The following CACNA1C variants were observed in gnomAD, a reference collection of about 807,000 sequenced individuals.
CACNA1C encodes voltage-dependent L-type calcium channel subunit alpha-1C.
A neutral mutation model predicts 229.0 loss-of-function variants in CACNA1C; 30 were observed. The observed-to-expected ratio is 0.13, with a 90% CI of 0.10 to 0.18. The LOEUF (loss-of-function observed/expected upper bound fraction) is 0.18, where lower values mean the gene tolerates loss of function less well. Ranked by LOEUF, CACNA1C falls within the 10% of genes least tolerant of loss-of-function variation. CACNA1C has a pLI of 1.00. For missense variants in CACNA1C, 1,658 were observed against 2,845.0 expected, an observed-to-expected ratio of 0.58 and a Z score of 9.49; for synonymous variants, 1,114 against 1,132.5, an observed-to-expected ratio of 0.98 and a Z score of 0.33.
chr12:2,499,283 C>T (rs964858286), intron 7 of CACNA1C, among the ~76,000 whole-genome samples: 8 of 152,182 alleles, frequency 5.3e-5, no homozygotes, highest in Non-Finnish European at 1.2e-4. Context: ...TGTAAAGCAC[C>T]GTGGCTTTCA....
At chr12:2,294,013 T>C (rs532523776) in intron 3 of CACNA1C, among the ~76,000 whole-genome samples, 1 of 152,342 alleles carries the variant, frequency 6.6e-6, no homozygotes, top group South Asian at 2.1e-4. Context: ...TCTAATAATA[T>C]GCACCAGCCA....
chr12:2,651,485 C>A lies in CACNA1C; in HGVS notation c.3946-155C>A. 1.9e-6 allele frequency: 2 copies of A among 1,062,728 alleles called. No homozygotes were observed. Among genetic ancestry groups the A allele is most frequent in the Non-Finnish European group, 2.8e-6 (2 of 709,998 alleles). 65.8% of individuals were successfully genotyped at this position (1,062,728 alleles called of 1,614,324 possible). ...TGGGCTGTCCACTCATTAAAGTGGG[C>A]GGCCGCCCTCCCATCGGAGGGGGAA... On this transcript the variant is annotated intron_variant, in intron 31 of 46. Transcript: ENST00000399655. The surrounding 1 kb of genome is among the most constrained non-coding windows in gnomAD (Gnocchi z 5.4).
At chr12:2,418,460 A>G (rs534088785) in intron 3 of CACNA1C, among the ~76,000 whole-genome samples, 2 of 152,322 alleles carry the variant, frequency 1.3e-5, no homozygotes, top group South Asian at 4.1e-4. Flanking sequence ...GGGCAGGGGA[A>G]GAGCCTGTAA....
chr12:2,053,076 T>G lies in CACNA1C; in HGVS notation c.-487T>G. ...GGCCCGGAGCGGCGGCGGCGGCTCT[T>G]CCTGCCTCCGCGCCCAGGAGTTGCC... is the stretch of plus-strand genomic sequence containing the variant. On this transcript the variant is annotated 5_prime_UTR_variant, in exon 1 of 47. Transcript: ENST00000399655. The surrounding 1 kb of genome is among the most constrained non-coding windows in gnomAD (Gnocchi z 5.8). The G allele has an allele frequency of 1.0e-6, 1 of 984,216 alleles. No individual in the cohort carries two copies. The highest frequency in any genetic ancestry group is 1.2e-6 in the Non-Finnish European group (1 of 829,242). The allele number at this position is 984,216 out of a possible 1,614,324, so 61.0% of individuals were successfully genotyped here.
chr12:2,543,212 C>G (rs1214825160), intron 9 of CACNA1C, among the ~76,000 whole-genome samples: 2 of 152,172 alleles, frequency 1.3e-5, no homozygotes, highest in East Asian at 3.9e-4. Flanking sequence ...ATTCTCCTTC[C>G]CAGATCCATT....
chr12:2,310,352 A>AAAAAAATAT (rs201363709), intron 3 of CACNA1C, among the ~76,000 whole-genome samples: 2 of 139,828 alleles, frequency 1.4e-5, no homozygotes, highest in African/African-American at 5.3e-5. Flanking sequence ...TAAAAAAAAA[A>AAAAAAATAT]ATATATATAT....
At chr12:2,661,280 T>TACACACACACACACACACACACACAC (rs1210712672) in intron 34 of CACNA1C, among the ~76,000 whole-genome samples, 5 of 123,410 alleles carry the variant, frequency 4.1e-5, no homozygotes, top group South Asian at 2.8e-4. Context: ...TACACACACA[T>TACACACACACACACACACACACACAC]ACACACACAC....
chr12:2,123,211 C>A (rs1267984390), intron 3 of CACNA1C, among the ~76,000 whole-genome samples: 1 of 151,944 alleles, frequency 6.6e-6, no homozygotes, highest in Admixed American at 6.6e-5. Context: ...CCCATCTCTA[C>A]TAAAAATACA....
intron 3 of CACNA1C, among the ~76,000 whole-genome samples, chr12:2,256,243 C>T (rs917367585): frequency 6.6e-6 from 1 of 152,128 alleles, no homozygotes; most frequent in Non-Finnish European, 1.5e-5. Flanking sequence ...CTTCATAGTT[C>T]AGCCTTGCAC....
intron 3 of CACNA1C, among the ~76,000 whole-genome samples, chr12:2,379,624 G>T (rs1296836464): frequency 2.6e-5 from 4 of 152,144 alleles, no homozygotes; most frequent in Non-Finnish European, 5.9e-5. Flanking sequence ...AGGGATGCAA[G>T]CCCTGAGACG....
chr12:2,562,819 TCAAAC>T (rs1456049886), intron 11 of CACNA1C, among the ~76,000 whole-genome samples: 1 of 152,240 alleles, frequency 6.6e-6, no homozygotes, highest in Non-Finnish European at 1.5e-5. Context: ...TGTGCAAAAA[TCAAAC>T]CAGGGTTATC....
At chr12:2,075,597 G>C (rs143552990) in intron 1 of CACNA1C, among the ~76,000 whole-genome samples, 2 of 152,328 alleles carry the variant, frequency 1.3e-5, no homozygotes, top group East Asian at 3.9e-4. Flanking sequence ...TGGAGGCTTT[G>C]TTGCTGGGCT....
chr12:2,155,170 G>A (rs1321317841), intron 3 of CACNA1C, among the ~76,000 whole-genome samples: 9 of 152,202 alleles, frequency 5.9e-5, no homozygotes, highest in East Asian at 1.9e-4. Context: ...TGTCATGGGC[G>A]TTGTTTTGCG....
At position 2,471,878 on chromosome 12, in the gene CACNA1C, A is replaced by T. The variant is rs528369418; in HGVS notation, c.757+14172A>T. Among the ~76,000 whole-genome samples the T allele has an allele frequency of 3.3e-5, 5 of 152,260 alleles. No homozygotes were observed. The Middle Eastern group carries it at 0.01, about 311-fold the overall frequency. ...GTATTTTTAATAGAGACGGGGTTTC[A>T]CCATCTTGGCCAGGCTGGCCTTGAA... On this transcript the variant is annotated intron_variant, in intron 5 of 46. Coordinates refer to ENST00000399655, the MANE Select transcript of CACNA1C (RefSeq NM_000719.7).
rs575090179 is a variant in CACNA1C, at chr12:2,067,494, G to A, written c.49+13883G>A. Among the ~76,000 whole-genome samples the A allele has an allele frequency of 1.4e-4, 21 of 152,076 alleles. No individual in the cohort carries two copies. Among genetic ancestry groups the A allele is most frequent in the South Asian group, 1.0e-3 (5 of 4,812 alleles). On this transcript the variant is annotated intron_variant, in intron 1 of 46. Coordinates refer to ENST00000399655, the MANE Select transcript of CACNA1C (RefSeq NM_000719.7). The surrounding 1 kb of genome is among the most constrained non-coding windows in gnomAD (Gnocchi z 5.3). Reference sequence around the variant, plus strand: ...TGTGTGTGTGTGTGCGCGCGTGTGCGTGCCTGTATGTAAGGGCAGGCACAT... The same window carrying A: ...TGTGTGTGTGTGTGCGCGCGTGTGCATGCCTGTATGTAAGGGCAGGCACAT...
At chr12:2,100,256 G>A (rs1718500477) in intron 1 of CACNA1C, among the ~76,000 whole-genome samples, 1 of 151,954 alleles carries the variant, frequency 6.6e-6, no homozygotes, top group African/African-American at 2.4e-5. Context: ...GACCAGCCTG[G>A]CCAACATGGC....
intron 7 of CACNA1C, among the ~76,000 whole-genome samples, chr12:2,495,781 T>C (rs1164125700): frequency 1.3e-5 from 2 of 152,124 alleles, no homozygotes; most frequent in African/African-American, 4.8e-5. Context: ...ATGGCCATGT[T>C]GTGTGTGTGT....
chr12:2,447,263 G>T (rs543302529), intron 3 of CACNA1C, among the ~76,000 whole-genome samples: 135 of 152,206 alleles, frequency 8.9e-4, no homozygotes, highest in African/African-American at 2.8e-3. Context: ...CCTGTGATTT[G>T]TTTGTGGTTC....
At chr12:2,309,818 A>G (rs980510265) in intron 3 of CACNA1C, among the ~76,000 whole-genome samples, 2 of 152,224 alleles carry the variant, frequency 1.3e-5, no homozygotes, top group African/African-American at 4.8e-5. Flanking sequence ...ACAGTCCAGG[A>G]GGGAAGAAAT....
Sources: allele counts gnomAD v4.1 joint callset (sites outside exome capture counted in the v4.1 genomes callset), GRCh38; gene constraint gnomAD v4.1.1; non-coding constraint Gnocchi (gnomAD v3.1); transcripts MANE v1.5; gene names NCBI Gene and HGNC (gene_info 2026-07-23, HGNC 2026-07-21).